NKAIN3: variants seen among roughly 807,000 people sequenced by gnomAD.
NKAIN3 encodes the protein sodium/potassium transporting ATPase interacting 3.
A neutral mutation model predicts 30.2 loss-of-function variants in NKAIN3; 25 were observed. The ratio of observed to expected loss-of-function variants is 0.83; its 90% CI spans 0.60 to 1.16. The LOEUF is 1.16. Ranked by LOEUF, NKAIN3 falls within the 50% of genes most tolerant of loss-of-function variation. NKAIN3 has a pLI of 0.00. For missense variants in NKAIN3, 225 were observed against 254.1 expected, an observed-to-expected ratio of 0.89 and a Z score of 0.78; for synonymous variants, 91 against 89.6, an observed-to-expected ratio of 1.02 and a Z score of -0.09.
rs970019291 is a variant in NKAIN3 at position 62,980,981 on chromosome 8, C to T, written c.*15574C>T. On this transcript the variant is annotated 3_prime_UTR_variant, in exon 7 of 7. Transcript: ENST00000623646. ...AAATCACCTGGCCCTCTGTAAATTTCTCTTTGTGTTCCTAGGCCCACAAAG... is the reference window on the plus strand; with the variant it reads ...AAATCACCTGGCCCTCTGTAAATTTTTCTTTGTGTTCCTAGGCCCACAAAG... 1.3e-5 allele frequency: 2 copies of T among 152,192 alleles called. No individual in the cohort carries two copies. Among genetic ancestry groups the T allele is most frequent in the African/African-American group, 4.8e-5 (2 of 41,442 alleles). The allele number at this position is 152,192 out of a possible 1,614,324, so 9.4% of individuals were successfully genotyped here. A position where few individuals can be genotyped will look rare whatever the true frequency, so the allele number is the denominator to read the frequency against.
intron 1 of NKAIN3, among the ~76,000 whole-genome samples, chr8:62,344,309 G>A (rs1361998424): frequency 1.3e-5 from 2 of 152,184 alleles, no homozygotes; most frequent in Non-Finnish European, 2.9e-5. Flanking sequence ...AGTGCATTAT[G>A]TAATTATGTA....
At chr8:62,524,371 T>C (rs1313716665) in intron 1 of NKAIN3, among the ~76,000 whole-genome samples, 1 of 152,108 alleles carries the variant, frequency 6.6e-6, no homozygotes, top group Non-Finnish European at 1.5e-5. Context: ...ACTACAGAGA[T>C]TTATGCTGTC....
intron 1 of NKAIN3, among the ~76,000 whole-genome samples, chr8:62,308,128 C>T (rs891144984): frequency 6.6e-6 from 1 of 150,534 alleles, no homozygotes; most frequent in African/African-American, 2.5e-5. Context: ...AAAGCACTTT[C>T]CTCAGATAGC....
chr8:62,836,836 C>G (rs1384424678), intron 4 of NKAIN3, among the ~76,000 whole-genome samples: 1 of 152,060 alleles, frequency 6.6e-6, no homozygotes, highest in Non-Finnish European at 1.5e-5. Flanking sequence ...AGAACTTAAG[C>G]AGCATTAGGC....
At chr8:62,520,114 T>TTAGATTTG (rs1004592793) in intron 1 of NKAIN3, among the ~76,000 whole-genome samples, 2 of 152,144 alleles carry the variant, frequency 1.3e-5, no homozygotes, top group African/African-American at 4.8e-5. Flanking sequence ...GTCACCCACC[T>TTAGATTTG]TAGATTTGTA....
chr8:62,656,671 T>G (rs769320074), intron 3 of NKAIN3, among the ~76,000 whole-genome samples: 23 of 152,060 alleles, frequency 1.5e-4, no homozygotes, highest in Non-Finnish European at 2.8e-4. Flanking sequence ...GCGATAAGAG[T>G]GTTTGTTTTA....
At chr8:62,752,174 A>G (rs1452317348) in intron 4 of NKAIN3, among the ~76,000 whole-genome samples, 1 of 152,232 alleles carries the variant, frequency 6.6e-6, no homozygotes, top group Non-Finnish European at 1.5e-5. Flanking sequence ...GCCAGAGTGA[A>G]GATGCCCTTC....
At chr8:62,559,739 A>G (rs1809511254) in intron 1 of NKAIN3, among the ~76,000 whole-genome samples, 1 of 151,940 alleles carries the variant, frequency 6.6e-6, no homozygotes, top group Non-Finnish European at 1.5e-5. Flanking sequence ...TATTTTCTTC[A>G]CATATATTTG....
chr8:62,943,364 G>A (rs1264691166), intron 5 of NKAIN3, among the ~76,000 whole-genome samples: 1 of 152,104 alleles, frequency 6.6e-6, no homozygotes, highest in Non-Finnish European at 1.5e-5. Context: ...TGCAAGAATG[G>A]TCATAATTTA....
chr8:62,323,279 AG>A (rs1421574303), intron 1 of NKAIN3, among the ~76,000 whole-genome samples: 2 of 152,214 alleles, frequency 1.3e-5, no homozygotes, highest in Non-Finnish European at 2.9e-5. Context: ...GAAGCAACAA[AG>A]ATGTCCTTTA....
intron 3 of NKAIN3, among the ~76,000 whole-genome samples, chr8:62,697,064 T>G (rs958628407): frequency 2.0e-4 from 30 of 152,196 alleles, no homozygotes; most frequent in African/African-American, 7.0e-4. Flanking sequence ...CATGCTTGCC[T>G]CTCTACAGTT....
intron 4 of NKAIN3, among the ~76,000 whole-genome samples, chr8:62,857,605 G>T (rs376008390): frequency 9.2e-5 from 14 of 152,060 alleles, no homozygotes; most frequent in African/African-American, 3.4e-4. Flanking sequence ...CAGTCTTCAA[G>T]CTCTGAAATT....
intron 3 of NKAIN3, among the ~76,000 whole-genome samples, chr8:62,731,939 G>T (rs1319025493): frequency 1.3e-5 from 2 of 151,932 alleles, no homozygotes; most frequent in Non-Finnish European, 2.9e-5. Flanking sequence ...AACTCCAGAG[G>T]GAGGTTTGAG....
intron 1 of NKAIN3, among the ~76,000 whole-genome samples, chr8:62,452,103 T>A (rs1431917771): frequency 6.6e-6 from 1 of 152,198 alleles, no homozygotes; most frequent in Admixed American, 6.5e-5. Flanking sequence ...TCAAATCCAG[T>A]GTTGTGGACT....
At chr8:62,797,877 G>A (rs1052780418) in intron 4 of NKAIN3, among the ~76,000 whole-genome samples, 1 of 152,052 alleles carries the variant, frequency 6.6e-6, no homozygotes, top group Admixed American at 6.6e-5. Flanking sequence ...TTTGTAGACC[G>A]ACCCTCACAC....
chr8:62,583,157 T>A (rs569336287), intron 2 of NKAIN3, among the ~76,000 whole-genome samples: 2 of 152,324 alleles, frequency 1.3e-5, no homozygotes, highest in South Asian at 4.1e-4. Flanking sequence ...TAATTAGCGC[T>A]CAGTACATAC....
chr8:62,926,071 GTGGAAAAT>G (rs1822434245), intron 5 of NKAIN3, among the ~76,000 whole-genome samples: 1 of 152,148 alleles, frequency 6.6e-6, no homozygotes, highest in African/African-American at 2.4e-5. Flanking sequence ...GTGGTGCCGA[GTGGAAAAT>G]GTGGGATTTG....
intron 4 of NKAIN3, chr8:62,863,495 C>T: frequency 6.5e-7 from 1 of 1,538,592 alleles, no homozygotes; most frequent in Non-Finnish European, 8.9e-7. Flanking sequence ...AGACAACGTA[C>T]TGGGTGGGAG....
intron 4 of NKAIN3, among the ~76,000 whole-genome samples, chr8:62,858,248 G>A (rs1160740550): frequency 6.6e-6 from 1 of 151,548 alleles, no homozygotes; most frequent in Non-Finnish European, 1.5e-5. Flanking sequence ...CATCCCGGGG[G>A]GTACGGACCT....
Sources: gnomAD v4.1 joint callset for allele counts (sites outside exome capture counted in the v4.1 genomes callset) on GRCh38, gnomAD v4.1.1 for gene constraint, MANE v1.5 for transcripts, NCBI Gene and HGNC (gene_info 2026-07-23, HGNC 2026-07-21) for gene names.